The following AQR variants were observed in gnomAD, a reference collection of about 807,000 sequenced individuals.
AQR encodes aquarius intron-binding spliceosomal factor, also known as RNA helicase aquarius.
In AQR, 61 loss-of-function variants were observed where a neutral mutation model predicts 180.5. That is an observed-to-expected ratio of 0.34 (90% CI 0.28 to 0.42). The LOEUF (loss-of-function observed/expected upper bound fraction) is 0.42. Ranked by LOEUF, AQR falls within the 10% of genes least tolerant of loss-of-function variation. The pLI, the probability that AQR is intolerant of heterozygous loss-of-function variation, is 1.00. For synonymous variants in AQR, 551 were observed against 588.8 expected (o/e 0.94, Z 0.93); for missense variants, 1,281 against 1,798.3 (o/e 0.71, Z 5.20).
intron 3 of AQR, among the ~76,000 whole-genome samples, chr15:34,956,204 A>G (rs1324925736): frequency 6.6e-6 from 1 of 152,170 alleles, no homozygotes; most frequent in Non-Finnish European, 1.5e-5. Context: ...CATTTCAAAT[A>G]AAAATAAGCA....
intron 7 of AQR, 89 bp from the exon 8 acceptor site, chr15:34,941,088 T>C (rs1354315430): frequency 3.5e-6 from 3 of 860,950 alleles, no homozygotes; most frequent in Non-Finnish European, 5.4e-6. Flanking sequence ...TTTTCTAATA[T>C]ATGAGTACAA....
intron 6 of AQR, chr15:34,942,989 A>T (rs1259786588): frequency 2.4e-5 from 33 of 1,402,514 alleles, no homozygotes; most frequent in African/African-American, 2.9e-5. Flanking sequence ...AGTTTCTGAT[A>T]AAAAAATCAC....
intron 5 of AQR, among the ~76,000 whole-genome samples, chr15:34,947,757 A>C (rs1182290118): frequency 6.6e-6 from 1 of 151,928 alleles, no homozygotes; most frequent in Non-Finnish European, 1.5e-5. Flanking sequence ...CTCTTGCATC[A>C]ATCTCCCAAG....
intron 22 of AQR, among the ~76,000 whole-genome samples, chr15:34,894,880 A>C (rs1213387589): frequency 6.6e-6 from 1 of 151,894 alleles, no homozygotes; most frequent in East Asian, 1.9e-4. Context: ...AAAGAATATG[A>C]TAGGCCAGGC....
At chr15:34,965,662 C>T (rs1469575045) in intron 1 of AQR, among the ~76,000 whole-genome samples, 1 of 152,154 alleles carries the variant, frequency 6.6e-6, no homozygotes, top group African/African-American at 2.4e-5. Flanking sequence ...CAGAGCAAGA[C>T]TCCGTCTCTA....
At position 34,929,991 on chromosome 15, in the gene AQR, C is replaced by A. The variant is rs559855686; in HGVS notation, c.1014+267G>T. Among the ~76,000 whole-genome samples the A allele has an allele frequency of 1.2e-4, 18 of 152,250 alleles. No homozygotes were observed. In the East Asian group the frequency reaches 3.1e-3, roughly 26 times the overall value. On this transcript the variant is annotated intron_variant, in intron 12 of 34. Transcript: ENST00000156471. Reference sequence around the variant, plus strand: ...CTCTTTAATAAAATAAAACTGACAGCAGAGCTAATATTTAAATCCACCAAA... The same window carrying A: ...CTCTTTAATAAAATAAAACTGACAGAAGAGCTAATATTTAAATCCACCAAA...
In AQR at chr15:34,856,942, G is replaced by A; in HGVS notation, c.4308C>T (p.Asp1436=). The A allele has an allele frequency of 1.2e-6, 2 of 1,614,122 alleles. No homozygotes were observed. Among genetic ancestry groups the A allele is most frequent in the South Asian group, 2.2e-5 (2 of 91,068 alleles). The change falls in exon 35 of 35, where the codon GAC becomes GAT. Residue 1436 remains aspartate, a synonymous_variant. Coordinates refer to ENST00000156471, the MANE Select transcript of AQR (RefSeq NM_014691.3). ...CRQETPAFQT[D]TTPSETGATS... ...TGGCTCCTGTCTCACTGGGGGTGGTGTCAGTTTGAAAGGCTGGAGTTTCTT... is the reference window on the plus strand; with the variant it reads ...TGGCTCCTGTCTCACTGGGGGTGGTATCAGTTTGAAAGGCTGGAGTTTCTT...
intron 5 of AQR, 139 bp from the exon 6 acceptor site, chr15:34,944,567 C>T (rs1894081507): frequency 6.2e-6 from 5 of 808,850 alleles, no homozygotes; most frequent in East Asian, 3.1e-5. Context: ...ATAAAAGAAG[C>T]ATCACGTGCT....
intron 8 of AQR, among the ~76,000 whole-genome samples, chr15:34,940,621 A>C (rs1449701583): frequency 6.6e-6 from 1 of 152,220 alleles, no homozygotes; most frequent in Non-Finnish European, 1.5e-5. Flanking sequence ...AGAACCATCC[A>C]TGAGGGAGAC....
At chr15:34,953,918 T>A (rs954447580) in intron 3 of AQR, among the ~76,000 whole-genome samples, 1 of 152,208 alleles carries the variant, frequency 6.6e-6, no homozygotes, top group South Asian at 2.1e-4. Context: ...TTTGTTTATT[T>A]TTTTCTTTTT....
chr15:34,941,005 G>A lies in AQR; in HGVS notation c.541-6C>T. The A allele has an allele frequency of 6.4e-7, 1 of 1,574,174 alleles. No individual in the cohort carries two copies. ...AATTCTAATTCCAATCGTGCCTGAA[G>A]AAGAGATGTGTTATTAAATTACCAG... On this transcript the variant is annotated splice_region_variant and splice_polypyrimidine_tract_variant and intron_variant, in intron 7 of 34. Transcript: ENST00000156471.
chr15:34,951,517 A>C (rs909010768), intron 4 of AQR, among the ~76,000 whole-genome samples: 1 of 152,062 alleles, frequency 6.6e-6, no homozygotes, highest in African/African-American at 2.4e-5. Context: ...CTAAAAATAC[A>C]AAAATTAGCC....
chr15:34,879,952 C>G (rs1190229191), intron 27 of AQR, among the ~76,000 whole-genome samples: 1 of 152,022 alleles, frequency 6.6e-6, no homozygotes, highest in Non-Finnish European at 1.5e-5. Flanking sequence ...ACCCAGGGAC[C>G]CAGGAAAGTA....
intron 5 of AQR, among the ~76,000 whole-genome samples, chr15:34,947,315 T>G (rs905663545): frequency 5.3e-5 from 8 of 151,334 alleles, no homozygotes; most frequent in African/African-American, 1.9e-4. Flanking sequence ...GAAGGCAGCA[T>G]GCTCGTTAAG....
At position 34,856,715 on chromosome 15, in the gene AQR, C is replaced by A; in HGVS notation, c.*77G>T. On this transcript the variant is annotated 3_prime_UTR_variant, in exon 35 of 35. Transcript: ENST00000156471. ...ATTAGTGACAGTAAAATGGCAGAAG[C>A]AAATATAAAATACAAAAAACAGCTT... The A allele has an allele frequency of 8.0e-7, 1 of 1,254,584 alleles. No homozygotes were observed. 77.7% of individuals were successfully genotyped at this position (1,254,584 alleles called of 1,614,324 possible).
chr15:34,896,342 T>G (rs1290262903), intron 22 of AQR, among the ~76,000 whole-genome samples: 1 of 152,128 alleles, frequency 6.6e-6, no homozygotes, highest in Non-Finnish European at 1.5e-5. Context: ...TACAATCATG[T>G]CAATTAAAAA....
chr15:34,969,692 G>A lies in AQR; in HGVS notation c.-79C>T, dbSNP rs1229807999. ...GGCAACCCTGGTCCACTTCCCTTAA[G>A]TTACTGCCGGGGCGCTTAACTCCGC... On this transcript the variant is annotated 5_prime_UTR_variant, in exon 1 of 35. Coordinates refer to ENST00000156471, the MANE Select transcript of AQR (RefSeq NM_014691.3). 2 of 1,443,420 alleles carry A rather than the reference G, an allele frequency of 1.4e-6. No homozygotes were observed. The highest frequency in any genetic ancestry group is 1.9e-6 in the Non-Finnish European group (2 of 1,067,816). 89.4% of individuals were successfully genotyped at this position (1,443,420 alleles called of 1,614,324 possible).
intron 13 of AQR, 152 bp downstream of exon 13, chr15:34,926,883 G>A (rs1028470496): frequency 1.5e-5 from 6 of 405,808 alleles, no homozygotes; most frequent in East Asian, 7.9e-5. Context: ...CCAAACTGCT[G>A]GAGAGAAGCA....
chr15:34,942,303 T>C (rs973587943), intron 6 of AQR, among the ~76,000 whole-genome samples: 11 of 152,212 alleles, frequency 7.2e-5, no homozygotes, highest in Non-Finnish European at 1.2e-4. Context: ...TAAAAATGTA[T>C]TTGTAACCCC....
Sources: allele counts gnomAD v4.1 joint callset (sites outside exome capture counted in the v4.1 genomes callset), GRCh38; gene constraint gnomAD v4.1.1; transcripts MANE v1.5; gene names NCBI Gene and HGNC (gene_info 2026-07-23, HGNC 2026-07-21).